The following OXNAD1 variants were observed in gnomAD, a reference collection of about 807,000 sequenced individuals.
The protein encoded by OXNAD1 is oxidoreductase NAD binding domain containing 1, also known as oxidoreductase NAD-binding domain-containing protein 1.
In OXNAD1, 34 loss-of-function variants were observed where a neutral mutation model predicts 32.9. The observed-to-expected ratio is 1.03, with a 90% CI of 0.79 to 1.38. The LOEUF (loss-of-function observed/expected upper bound fraction) is 1.38, where lower values mean the gene tolerates loss of function less well. Ranked by LOEUF, OXNAD1 falls within the 40% of genes most tolerant of loss-of-function variation. The pLI is 0.00. For synonymous variants in OXNAD1, 134 were observed against 135.2 expected (o/e 0.99, Z 0.06); for missense variants, 407 against 379.4 (o/e 1.07, Z -0.60).
chr3:16,342,208 C>A (rs996487294), downstream of OXNAD1, among the ~76,000 whole-genome samples: 1 of 152,158 alleles, frequency 6.6e-6, no homozygotes, highest in African/African-American at 2.4e-5. The surrounding 1 kb of genome is among the most constrained non-coding windows in gnomAD (Gnocchi z 4.0). Flanking sequence ...CCTTTCCCCC[C>A]ACCCACCCCG....
intron 4 of OXNAD1, chr3:16,275,419 T>G: frequency 6.6e-6 from 1 of 152,184 alleles, no homozygotes; most frequent in Non-Finnish European, 1.5e-5. Flanking sequence ...AAAGTTAAAA[T>G]TAGCTGGACA....
At chr3:16,296,783 CAAAA>C (rs1259677718) in intron 6 of OXNAD1, among the ~76,000 whole-genome samples, 2 of 151,814 alleles carry the variant, frequency 1.3e-5, no homozygotes, top group African/African-American at 2.4e-5. Context: ...ATGCAAAAAA[CAAAA>C]AAACGAAAAA....
In OXNAD1 at chr3:16,269,009, C is replaced by T. The variant is rs908340607; in HGVS notation, c.-158-117C>T. 11 of 850,984 alleles carry T rather than the reference C, an allele frequency of 1.3e-5. No homozygotes were observed. In the Admixed American group the frequency reaches 4.5e-4, roughly 35 times the overall value. The allele number at this position is 850,984 out of a possible 1,614,324, so 52.7% of individuals were successfully genotyped here. A position where few individuals can be genotyped will look rare whatever the true frequency, so the allele number is the denominator to read the frequency against. On this transcript the variant is annotated intron_variant, in intron 1 of 8. Transcript: ENST00000285083. ...TGGAGAGGGGGTAATTGAGAGTGGG[C>T]TTGTTGTGAGGTGATGCCTACTGAT...
At position 16,345,433 on chromosome 3, in the gene OXNAD1, T is replaced by C. The variant is rs2071588663; in HGVS notation, c.*31-3743T>C. On this transcript the variant is annotated intron_variant, in intron 9 of 9. Coordinates refer to the OXNAD1 transcript ENST00000606098. This position sits in a 1 kb window ranked among gnomAD's most constrained non-coding sequence, Gnocchi z 5.2. ...TGCATAAACATTATTTTTGGGCATG[T>C]TGTGAGGGTGTTTCTGGAAAAGATT... Among the ~76,000 whole-genome samples, 1 of 152,138 alleles carries C rather than the reference T, an allele frequency of 6.6e-6. No individual in the cohort carries two copies. The highest frequency in any genetic ancestry group is 1.5e-5 in the Non-Finnish European group (1 of 68,040).
chr3:16,304,228 G>A lies in OXNAD1; in HGVS notation c.*666G>A, dbSNP rs1408498386. 1.3e-5 allele frequency: 2 copies of A among 152,286 alleles called. No individual in the cohort carries two copies. The highest frequency in any genetic ancestry group is 2.9e-5 in the Non-Finnish European group (2 of 68,074). 9.4% of individuals were successfully genotyped at this position (152,286 alleles called of 1,614,324 possible). On this transcript the variant is annotated 3_prime_UTR_variant, in exon 9 of 9. Coordinates refer to ENST00000285083, the MANE Select transcript of OXNAD1 (RefSeq NM_138381.5). The surrounding 1 kb of genome is among the most constrained non-coding windows in gnomAD (Gnocchi z 4.6). ...ATGAAACCCTTTCTGTGTCTTGGCTGTCTGCCTTAACGCTGTAGGAGGCAG... is the reference window on the plus strand; with the variant it reads ...ATGAAACCCTTTCTGTGTCTTGGCTATCTGCCTTAACGCTGTAGGAGGCAG...
chr3:16,326,325 C>T (rs914444918), intron 9 of OXNAD1, among the ~76,000 whole-genome samples: 2 of 152,222 alleles, frequency 1.3e-5, no homozygotes, highest in African/African-American at 4.8e-5. Flanking sequence ...AGTCCCTCAA[C>T]CTCCCTGGCT....
downstream of OXNAD1, among the ~76,000 whole-genome samples, chr3:16,307,181 G>A (rs1370440357): frequency 6.6e-6 from 1 of 152,158 alleles, no homozygotes; most frequent in East Asian, 1.9e-4. Flanking sequence ...CGACCAGTGA[G>A]ATTATTTAAA....
rs575211384 is a variant in OXNAD1 at position 16,344,099 on chromosome 3, T to C, written c.*31-5077T>C. The stretch of plus-strand genomic sequence containing the variant: ...GCAGTAGAGACATTCTTGGCCTGTA[T>C]TAACTCTTTTTCATTGGAATTGCTG... On this transcript the variant is annotated intron_variant, in intron 9 of 9. Transcript: ENST00000606098. The surrounding 1 kb of genome is among the most constrained non-coding windows in gnomAD (Gnocchi z 4.4). 6.6e-6 allele frequency among the ~76,000 whole-genome samples: 1 copy of C among 152,338 alleles called. No homozygotes were observed. Among genetic ancestry groups the C allele is most frequent in the South Asian group, 2.1e-4 (1 of 4,828 alleles).
chr3:16,307,334 C>T (rs149363846), downstream of OXNAD1, among the ~76,000 whole-genome samples: 180 of 152,276 alleles, frequency 1.2e-3, no homozygotes, highest in Admixed American at 1.8e-3. Flanking sequence ...AGGTTCGGGG[C>T]TCTTAACGTG....
chr3:16,323,517 C>T (rs2069324305), intron 9 of OXNAD1: 3 of 1,222,726 alleles, frequency 2.5e-6, no homozygotes, highest in South Asian at 1.2e-5. Flanking sequence ...CAAAACCTGA[C>T]ACAGATGTTG....
In OXNAD1 at chr3:16,302,573, A is replaced by C. The variant is rs2067262867; in HGVS notation, c.676-67A>C. 1 of 1,058,102 alleles carries C rather than the reference A, an allele frequency of 9.5e-7. No homozygotes were observed. Among genetic ancestry groups the C allele is most frequent in the Non-Finnish European group, 1.4e-6 (1 of 701,326 alleles). 65.5% of individuals were successfully genotyped at this position (1,058,102 alleles called of 1,614,324 possible). A position where few individuals can be genotyped will look rare whatever the true frequency, so the allele number is the denominator to read the frequency against. On this transcript the variant is annotated intron_variant, in intron 7 of 8. Transcript: ENST00000285083. This position sits in a 1 kb window ranked among gnomAD's most constrained non-coding sequence, Gnocchi z 4.2. ...AGAATGGGAGTTGAGGTTCAGCGTC[A>C]ATGGTTGTGCACATCTGTTTTGATT...
rs1553726059 is a variant in OXNAD1, at chr3:16,345,786, C to CTGTGTGTG, written c.*31-3389_*31-3388insGTGTGTGT. On this transcript the variant is annotated intron_variant, in intron 9 of 9. Transcript: ENST00000606098. The surrounding 1 kb of genome is among the most constrained non-coding windows in gnomAD (Gnocchi z 5.2). ...CATGAGCCAAAACCTTATAATAAAT[C>CTGTGTGTG]TCTGTGTGTGTGTGTGTGTGTGTGT... Among the ~76,000 whole-genome samples, 13 of 81,628 alleles carry CTGTGTGTG rather than the reference C, an allele frequency of 1.6e-4. No individual in the cohort carries two copies. The highest frequency in any genetic ancestry group is 7.0e-4 in the African/African-American group (13 of 18,564). The allele number at this position is 81,628 out of a possible 152,430, so 53.6% of individuals were successfully genotyped here.
intron 9 of OXNAD1, among the ~76,000 whole-genome samples, chr3:16,330,332 G>C (rs1397519612): frequency 2.0e-5 from 3 of 152,184 alleles, no homozygotes; most frequent in African/African-American, 7.2e-5. Context: ...ATCTATCACA[G>C]CCCGTTTGCA....
chr3:16,279,813 G>A (rs1487497842), intron 4 of OXNAD1, among the ~76,000 whole-genome samples: 4 of 152,210 alleles, frequency 2.6e-5, no homozygotes, highest in Non-Finnish European at 5.9e-5. Flanking sequence ...TACTGAGGGT[G>A]AAAGCCTGAT....
intron 1 of OXNAD1, among the ~76,000 whole-genome samples, chr3:16,267,441 C>G (rs748897930): frequency 6.6e-6 from 1 of 152,164 alleles, no homozygotes; most frequent in Non-Finnish European, 1.5e-5. Flanking sequence ...TGGACTTCAT[C>G]TCATTTCACT....
At position 16,287,530 on chromosome 3, in the gene OXNAD1, T is replaced by C. The variant is rs1407213891; in HGVS notation, c.290+1082T>C. 6.6e-6 allele frequency among the ~76,000 whole-genome samples: 1 copy of C among 152,230 alleles called. No homozygotes were observed. The highest frequency in any genetic ancestry group is 2.4e-5 in the African/African-American group (1 of 41,454). ...GGGCAACATATTTACCCTTCAAAAA[T>C]GGTTTAGCAGTCATTATATTGAAAA... is the stretch of plus-strand genomic sequence containing the variant. On this transcript the variant is annotated intron_variant, in intron 5 of 8. Transcript: ENST00000285083. The surrounding 1 kb of genome is among the most constrained non-coding windows in gnomAD (Gnocchi z 4.8).
In OXNAD1 at chr3:16,334,623, G is replaced by A. The variant is rs2070672507; in HGVS notation, c.*31-2489G>A. 6.6e-6 allele frequency among the ~76,000 whole-genome samples: 1 copy of A among 152,144 alleles called. No homozygotes were observed. Among genetic ancestry groups the A allele is most frequent in the Non-Finnish European group, 1.5e-5 (1 of 68,036 alleles). ...TACAGGATGAAGAGGGACAATGAGA[G>A]GGAATGAATTCTATTCTAGACACCC... On this transcript the variant is annotated intron_variant, in intron 9 of 9. Coordinates refer to the OXNAD1 transcript ENST00000435829. This position sits in a 1 kb window ranked among gnomAD's most constrained non-coding sequence, Gnocchi z 4.3.
downstream of OXNAD1, among the ~76,000 whole-genome samples, chr3:16,307,777 C>G (rs953712069): frequency 3.4e-4 from 27 of 79,310 alleles, no homozygotes; most frequent in Admixed American, 4.9e-4. Context: ...AGAAGAGTTG[C>G]AAAGACAAGA....
rs1249846355 is a variant in OXNAD1 at position 16,290,671 on chromosome 3, G to T, written c.291-4185G>T. Among the ~76,000 whole-genome samples the T allele has an allele frequency of 6.6e-6, 1 of 152,150 alleles. No individual in the cohort carries two copies. Among genetic ancestry groups the T allele is most frequent in the African/African-American group, 2.4e-5 (1 of 41,440 alleles). ...ATTTTTATCTTGTCAGAAATGAAAA[G>T]AAAGTTAAAGTACTCATGGAAAAGA... is the stretch of plus-strand genomic sequence containing the variant. On this transcript the variant is annotated intron_variant, in intron 5 of 8. Transcript: ENST00000285083. The surrounding 1 kb of genome is among the most constrained non-coding windows in gnomAD (Gnocchi z 4.2).
Sources: allele counts gnomAD v4.1 joint callset (sites outside exome capture counted in the v4.1 genomes callset), GRCh38; gene constraint gnomAD v4.1.1; non-coding constraint Gnocchi (gnomAD v3.1); transcripts MANE v1.5; gene names NCBI Gene and HGNC (gene_info 2026-07-23, HGNC 2026-07-21).